Variants in LHFPL3 observed in about 807,000 individuals in gnomAD.
LHFPL3 encodes LHFPL tetraspan subfamily member 3 protein.
A neutral mutation model predicts 19.3 loss-of-function variants in LHFPL3; 5 were observed. The observed-to-expected ratio is 0.26, with a 90% confidence interval of 0.14 to 0.54. The LOEUF is 0.54. Among genes scored for constraint, LHFPL3 ranks in the 20% least tolerant of loss-of-function variants. The probability of loss-of-function intolerance (pLI) is 0.94; values close to 1 mark genes in which losing one functional copy is unlikely to be tolerated. For synonymous variants in LHFPL3, 133 were observed against 126.2 expected (o/e 1.05, Z -0.36); for missense variants, 249 against 307.4 (o/e 0.81, Z 1.42).
At chr7:104,861,883 C>A (rs1178581251) in intron 2 of LHFPL3, among the ~76,000 whole-genome samples, 2 of 152,144 alleles carry the variant, frequency 1.3e-5, no homozygotes, top group Admixed American at 6.5e-5. Flanking sequence ...TCCAACAAGA[C>A]CTGGAATGAG....
chr7:104,609,722 A>C (rs911189008), intron 1 of LHFPL3, among the ~76,000 whole-genome samples: 2 of 152,252 alleles, frequency 1.3e-5, no homozygotes, highest in African/African-American at 4.8e-5. Context: ...GACATCTGGA[A>C]AAATAGTTAA....
Position 104,378,189 on chromosome 7 carries a change from T to C in LHFPL3, c.445+48965T>C, listed in dbSNP as rs865897985. 2.0e-5 allele frequency among the ~76,000 whole-genome samples: 3 copies of C among 152,212 alleles called. No individual in the cohort carries two copies. The South Asian group carries it at 6.2e-4, about 32-fold the overall frequency. ...GGTACCTTAATACAGGTATACAATA[T>C]TTCTAGCACCCCTAACACTTCCCTC... is the stretch of plus-strand genomic sequence containing the variant. On this transcript the variant is annotated intron_variant, in intron 1 of 2. Transcript: ENST00000424859.
intron 1 of LHFPL3, among the ~76,000 whole-genome samples, chr7:104,597,478 A>T (rs888038414): frequency 1.2e-4 from 19 of 152,216 alleles, no homozygotes; most frequent in African/African-American, 4.6e-4. Flanking sequence ...ACCAGAAGGA[A>T]TTAAATGCTT....
At chr7:104,807,114 T>G (rs1562799386) in intron 2 of LHFPL3, among the ~76,000 whole-genome samples, 1 of 150,990 alleles carries the variant, frequency 6.6e-6, no homozygotes, top group Non-Finnish European at 1.5e-5. Context: ...AAAGTCCTCA[T>G]GGAGGTAATC....
At chr7:104,672,862 C>A (rs901333626) in intron 1 of LHFPL3, among the ~76,000 whole-genome samples, 4 of 152,088 alleles carry the variant, frequency 2.6e-5, no homozygotes, top group Non-Finnish European at 4.4e-5. Flanking sequence ...TGCTGCCATG[C>A]TCTTGAAAGC....
At chr7:104,901,661 G>A (rs1010303656) in intron 2 of LHFPL3, among the ~76,000 whole-genome samples, 1 of 151,982 alleles carries the variant, frequency 6.6e-6, no homozygotes. Context: ...TCGACCTCCT[G>A]GTCTCAAACG....
intron 1 of LHFPL3, among the ~76,000 whole-genome samples, chr7:104,601,433 T>C (rs1562947002): frequency 6.6e-6 from 1 of 152,160 alleles, no homozygotes; most frequent in Non-Finnish European, 1.5e-5. Context: ...GGTATAGCAG[T>C]GAACAAAATC....
chr7:104,365,782 C>A, intron 1 of LHFPL3, among the ~76,000 whole-genome samples: 1 of 27,276 alleles, frequency 3.7e-5, no homozygotes. Context: ...AGCGAGACTC[C>A]GTCTCAAAAA....
intron 1 of LHFPL3, among the ~76,000 whole-genome samples, chr7:104,460,020 C>T (rs1792626843): frequency 6.6e-6 from 1 of 152,130 alleles, no homozygotes; most frequent in South Asian, 2.1e-4. Flanking sequence ...ACCCTCCACC[C>T]TCAAGTAGGC....
Position 104,906,816 on chromosome 7 carries a change from G to A in LHFPL3, c.*601G>A, listed in dbSNP as rs1436674102. Reference sequence around the variant, plus strand: ...AGTTACAACCACTCAGTTATTAAGAGACGTAACGCTTCAAACTTTTTACCA... The same window carrying A: ...AGTTACAACCACTCAGTTATTAAGAAACGTAACGCTTCAAACTTTTTACCA... On this transcript the variant is annotated 3_prime_UTR_variant, in exon 3 of 3. Transcript: ENST00000424859. 1 of 152,688 alleles carries A rather than the reference G, an allele frequency of 6.5e-6. No individual in the cohort carries two copies. The highest frequency in any genetic ancestry group is 1.9e-4 in the East Asian group (1 of 5,206). The allele number at this position is 152,688 out of a possible 1,614,324, so 9.5% of individuals were successfully genotyped here. A position where few individuals can be genotyped will look rare whatever the true frequency, so the allele number is the denominator to read the frequency against.
intron 1 of LHFPL3, among the ~76,000 whole-genome samples, chr7:104,442,841 C>T (rs981946028): frequency 2.6e-5 from 4 of 152,216 alleles, no homozygotes; most frequent in African/African-American, 4.8e-5. Flanking sequence ...CTTAATCTCT[C>T]CTATACTCTA....
At chr7:104,661,750 C>T (rs7798178) in intron 1 of LHFPL3, among the ~76,000 whole-genome samples, 75,763 of 151,958 alleles carry the variant, frequency 0.5, 19,465 homozygotes, top group Non-Finnish European at 0.56. Context: ...ATGGAAGATT[C>T]GTTCTCACTG....
chr7:104,337,130 C>T (rs1372627749), intron 1 of LHFPL3, among the ~76,000 whole-genome samples: 1 of 151,658 alleles, frequency 6.6e-6, no homozygotes, highest in Non-Finnish European at 1.5e-5. Context: ...GCTGCAAAAT[C>T]GAAATGGGAA....
chr7:104,590,983 C>A (rs1790706595), intron 1 of LHFPL3, among the ~76,000 whole-genome samples: 1 of 152,098 alleles, frequency 6.6e-6, no homozygotes, highest in African/African-American at 2.4e-5. Flanking sequence ...ATCCTCCATC[C>A]CTTTAATTTG....
At chr7:104,587,061 G>T (rs981397363) in intron 1 of LHFPL3, among the ~76,000 whole-genome samples, 4 of 151,840 alleles carry the variant, frequency 2.6e-5, no homozygotes, top group African/African-American at 9.7e-5. Flanking sequence ...AGAGAAAAAC[G>T]CTCATTGAGT....
At chr7:104,626,026 T>C (rs988825769) in intron 1 of LHFPL3, among the ~76,000 whole-genome samples, 4 of 152,230 alleles carry the variant, frequency 2.6e-5, no homozygotes, top group Admixed American at 6.5e-5. Flanking sequence ...CCTTGGCATA[T>C]ATTCAGTAAG....
intron 2 of LHFPL3, chr7:104,896,086 T>C (rs1408768780): frequency 2.6e-5 from 4 of 152,244 alleles, no homozygotes; most frequent in Non-Finnish European, 5.9e-5. Context: ...TCAGTCATAT[T>C]GGATTAGGGC....
chr7:104,342,513 A>AAAAGG (rs377186724), intron 1 of LHFPL3, among the ~76,000 whole-genome samples: 20 of 152,262 alleles, frequency 1.3e-4, no homozygotes, highest in African/African-American at 4.8e-4. Context: ...AAAACAAAAG[A>AAAAGG]AAAGGAAAGG....
At chr7:104,475,626 C>G (rs1792995076) in intron 1 of LHFPL3, among the ~76,000 whole-genome samples, 1 of 152,114 alleles carries the variant, frequency 6.6e-6, no homozygotes, top group Non-Finnish European at 1.5e-5. Flanking sequence ...ACAGAAAGGG[C>G]TCTGTGGCCA....
Sources: allele counts gnomAD v4.1 joint callset (sites outside exome capture counted in the v4.1 genomes callset), GRCh38; gene constraint gnomAD v4.1.1; transcripts MANE v1.5; gene names NCBI Gene and HGNC (gene_info 2026-07-23, HGNC 2026-07-21).